Variants in CSMD1 observed in about 807,000 individuals in gnomAD.
CSMD1 encodes the protein CUB and Sushi multiple domains 1, also known as CUB and sushi domain-containing protein 1.
CSMD1 carries 213 observed loss-of-function variants against 417.5 expected under a neutral mutation model. That is an observed-to-expected ratio of 0.51 (90% CI 0.46 to 0.57). The LOEUF (loss-of-function observed/expected upper bound fraction) is 0.57, where lower values mean the gene tolerates loss of function less well. CSMD1 is among the 20% of genes least tolerant of loss of function. The probability of loss-of-function intolerance (pLI) is 0.00; values close to 1 mark genes in which losing one functional copy is unlikely to be tolerated. For missense variants in CSMD1, 6,923 were observed against 4,529.7 expected (o/e 1.53, Z -15.17); for synonymous variants, 2,862 against 1,736.8 (o/e 1.65, Z -16.11).
intron 1 of CSMD1, among the ~76,000 whole-genome samples, chr8:4,799,643 C>A (rs1230081842): frequency 1.4e-5 from 2 of 140,204 alleles, no homozygotes; most frequent in East Asian, 4.3e-4. Flanking sequence ...TCCCTGGGCA[C>A]TCACACAAGT....
intron 1 of CSMD1, among the ~76,000 whole-genome samples, chr8:4,677,747 T>C (rs777654305): frequency 2.0e-5 from 3 of 152,096 alleles, no homozygotes; most frequent in Admixed American, 6.5e-5. Flanking sequence ...CAGATGCTCA[T>C]CAAATACTTG....
intron 3 of CSMD1, among the ~76,000 whole-genome samples, chr8:4,171,835 A>G (rs1477180605): frequency 6.6e-6 from 1 of 152,188 alleles, no homozygotes; most frequent in Non-Finnish European, 1.5e-5. Flanking sequence ...CAGTTTAATA[A>G]AAAATGCCCA....
At chr8:3,385,117 TATAATATATAAATATATAATAC>T (rs1473200570) in intron 18 of CSMD1, among the ~76,000 whole-genome samples, 17 of 89,470 alleles carry the variant, frequency 1.9e-4, no homozygotes, top group African/African-American at 5.6e-4. Flanking sequence ...TAAAAATATA[TATAATATATAAATATATAATAC>T]ATAATATATA....
intron 23 of CSMD1, among the ~76,000 whole-genome samples, chr8:3,317,682 C>T (rs772005116): frequency 1.3e-5 from 2 of 152,120 alleles, no homozygotes; most frequent in Non-Finnish European, 2.9e-5. Flanking sequence ...GTTAATACTA[C>T]GTTTATTTGG....
At chr8:4,163,767 G>C (rs962616715) in intron 3 of CSMD1, among the ~76,000 whole-genome samples, 2 of 152,128 alleles carry the variant, frequency 1.3e-5, no homozygotes, top group African/African-American at 4.8e-5. Context: ...TTACAATTTT[G>C]GAAATGTAAT....
intron 3 of CSMD1, among the ~76,000 whole-genome samples, chr8:4,297,101 C>A (rs1291292042): frequency 6.7e-6 from 1 of 149,988 alleles, no homozygotes; most frequent in Non-Finnish European, 1.5e-5. Context: ...GACTCTAGAG[C>A]ATCGTAGGTG....
chr8:2,959,257 C>G (rs1803265316), intron 62 of CSMD1, among the ~76,000 whole-genome samples: 1 of 152,210 alleles, frequency 6.6e-6, no homozygotes, highest in African/African-American at 2.4e-5. Context: ...GTGCACCTTA[C>G]CATGCCCAGA....
chr8:4,680,577 G>C (rs1027158700), intron 1 of CSMD1, among the ~76,000 whole-genome samples: 2 of 151,994 alleles, frequency 1.3e-5, no homozygotes, highest in East Asian at 1.9e-4. Context: ...CACATTCTAA[G>C]ATAGTTTTTG....
At chr8:4,129,100 A>G (rs957749630) in intron 3 of CSMD1, among the ~76,000 whole-genome samples, 7 of 151,734 alleles carry the variant, frequency 4.6e-5, no homozygotes, top group Non-Finnish European at 8.8e-5. Flanking sequence ...AAACAAAACA[A>G]AAAAAACAGA....
chr8:4,352,543 A>G (rs1249688829), intron 3 of CSMD1, among the ~76,000 whole-genome samples: 2 of 152,360 alleles, frequency 1.3e-5, no homozygotes, highest in South Asian at 2.1e-4. Context: ...GAATGCAGAC[A>G]TCATCTATGT....
chr8:4,664,656 A>T (rs1347271931), intron 1 of CSMD1, among the ~76,000 whole-genome samples: 1 of 152,202 alleles, frequency 6.6e-6, no homozygotes, highest in Non-Finnish European at 1.5e-5. Context: ...TCAAATTCAC[A>T]TGTGCTTATT....
In CSMD1 at chr8:3,199,787, C is replaced by T. The variant is rs775921407; in HGVS notation, c.5121G>A (p.Thr1707=). 66 of 1,577,984 alleles carry T rather than the reference C, an allele frequency of 4.2e-5. No individual in the cohort carries two copies. Among genetic ancestry groups the T allele is most frequent in the Non-Finnish European group, 5.1e-5 (59 of 1,161,288 alleles). The change falls in exon 33 of 70, where the codon ACG becomes ACA. Residue 1707 remains threonine (T), a synonymous_variant. Transcript: ENST00000635120. ...SHSGETLPLA[T]SNQILLRFSA... ...TGAATCGGAGCAGAATTTGATTTGA[C>T]GTAGCCAAGGGCAATGTTTCCCCTA...
intron 2 of CSMD1, among the ~76,000 whole-genome samples, chr8:4,634,588 A>C (rs1296905843): frequency 6.6e-6 from 1 of 152,178 alleles, no homozygotes; most frequent in African/African-American, 2.4e-5. Flanking sequence ...CAGCTCCTAC[A>C]TCAATCCTCC....
chr8:4,737,665 G>A (rs1253974721), intron 1 of CSMD1, among the ~76,000 whole-genome samples: 1 of 152,162 alleles, frequency 6.6e-6, no homozygotes, highest in African/African-American at 2.4e-5. Context: ...AAAAGAGACA[G>A]GTTGGATGAA....
chr8:4,721,260 A>G (rs1809035031), intron 1 of CSMD1, among the ~76,000 whole-genome samples: 1 of 152,228 alleles, frequency 6.6e-6, no homozygotes, highest in Non-Finnish European at 1.5e-5. Flanking sequence ...CCTCATGCCT[A>G]GTATCATGTT....
chr8:3,571,887 G>A (rs889041562), intron 10 of CSMD1, among the ~76,000 whole-genome samples: 4 of 152,162 alleles, frequency 2.6e-5, no homozygotes, highest in Non-Finnish European at 5.9e-5. Flanking sequence ...CTTTTAGGGT[G>A]TACTTCCGTC....
At chr8:4,110,265 C>G (rs972319398) in intron 3 of CSMD1, among the ~76,000 whole-genome samples, 1 of 152,052 alleles carries the variant, frequency 6.6e-6, no homozygotes, top group Non-Finnish European at 1.5e-5. Flanking sequence ...CGAAACAAGT[C>G]ATGATATACT....
chr8:3,958,250 C>T lies in CSMD1; in HGVS notation c.818+39653G>A, dbSNP rs538910502. ...CATGAAGATAGACTACGTCTTCCAT[C>T]GTTTTGTAATATTACAATGTGGTTT... On this transcript the variant is annotated intron_variant, in intron 5 of 69. Transcript: ENST00000635120. Among the ~76,000 whole-genome samples, 28 of 151,566 alleles carry T rather than the reference C, an allele frequency of 1.8e-4. 1 individual carries two copies. In the South Asian group the frequency reaches 5.0e-3, roughly 27 times the overall value.
chr8:3,565,614 T>TG (rs1189389558), intron 10 of CSMD1, among the ~76,000 whole-genome samples: 2 of 152,322 alleles, frequency 1.3e-5, no homozygotes, highest in East Asian at 3.9e-4. Context: ...ATTCAAGTTC[T>TG]TTAAAAAAAC....
Sources: gnomAD v4.1 joint callset for allele counts (sites outside exome capture counted in the v4.1 genomes callset) on GRCh38, gnomAD v4.1.1 for gene constraint, MANE v1.5 for transcripts, NCBI Gene and HGNC (gene_info 2026-07-23, HGNC 2026-07-21) for gene names.